The following ALK variants were observed in gnomAD, a reference collection of about 807,000 sequenced individuals.
ALK encodes ALK receptor tyrosine kinase, also known as ALK tyrosine kinase receptor.
A neutral mutation model predicts 163.1 loss-of-function variants in ALK; 74 were observed. The observed-to-expected ratio is 0.45, with a 90% CI of 0.38 to 0.55. The LOEUF (loss-of-function observed/expected upper bound fraction) is 0.55. ALK is among the 20% of genes least tolerant of loss of function. ALK has a pLI of 0.00. For missense variants in ALK, 2,063 were observed against 2,105.3 expected, an observed-to-expected ratio of 0.98 and a Z score of 0.39; for synonymous variants, 960 against 843.2, an observed-to-expected ratio of 1.14 and a Z score of -2.40.
chr2:29,613,455 A>C (rs1403891472), intron 3 of ALK, among the ~76,000 whole-genome samples: 1 of 152,196 alleles, frequency 6.6e-6, no homozygotes, highest in Non-Finnish European at 1.5e-5. Context: ...CTTCCTTCCA[A>C]GGCATAAGCC....
At chr2:29,787,539 G>A (rs542528466) in intron 1 of ALK, among the ~76,000 whole-genome samples, 1 of 152,308 alleles carries the variant, frequency 6.6e-6, no homozygotes, top group East Asian at 1.9e-4. Context: ...AATATGACAA[G>A]CGGTCCATGG....
At chr2:29,713,140 C>T (rs899767020) in intron 2 of ALK, among the ~76,000 whole-genome samples, 2 of 152,232 alleles carry the variant, frequency 1.3e-5, no homozygotes, top group Admixed American at 6.5e-5. Flanking sequence ...AGACACATCA[C>T]TCTAATTTCT....
At chr2:29,761,140 GC>G (rs1390894413) in intron 1 of ALK, among the ~76,000 whole-genome samples, 2 of 152,172 alleles carry the variant, frequency 1.3e-5, no homozygotes, top group Non-Finnish European at 2.9e-5. Flanking sequence ...GGCCTTAGTA[GC>G]CCCCTACTCA....
chr2:29,745,234 C>A (rs930487796), intron 1 of ALK, among the ~76,000 whole-genome samples: 2 of 152,284 alleles, frequency 1.3e-5, no homozygotes, highest in Middle Eastern at 3.4e-3. Flanking sequence ...ACTCAGAGAT[C>A]ATCTAATTTG....
At chr2:29,381,951 T>C (rs892841050) in intron 5 of ALK, among the ~76,000 whole-genome samples, 1 of 152,248 alleles carries the variant, frequency 6.6e-6, no homozygotes, top group Non-Finnish European at 1.5e-5. Context: ...TGTTCTTCAC[T>C]ATTCTCTGCC....
intron 4 of ALK, among the ~76,000 whole-genome samples, chr2:29,490,783 T>C (rs1671882464): frequency 6.6e-6 from 1 of 152,244 alleles, no homozygotes; most frequent in Admixed American, 6.5e-5. Context: ...CAATAATGTA[T>C]GTGTTTGTTT....
chr2:29,308,039 GTT>G (rs1185886897), intron 8 of ALK, among the ~76,000 whole-genome samples: 1 of 144,226 alleles, frequency 6.9e-6, no homozygotes, highest in African/African-American at 2.5e-5. Context: ...AAAGTTACAA[GTT>G]TTTTTTTTTT....
At chr2:29,450,934 C>A (rs2148091974) in intron 4 of ALK, among the ~76,000 whole-genome samples, 1 of 152,240 alleles carries the variant, frequency 6.6e-6, no homozygotes, top group Non-Finnish European at 1.5e-5. Flanking sequence ...GGGGGCGGGG[C>A]TCAGGACTCC....
chr2:29,479,943 C>A (rs1210401795), intron 4 of ALK, among the ~76,000 whole-genome samples: 1 of 152,208 alleles, frequency 6.6e-6, no homozygotes, highest in African/African-American at 2.4e-5. Flanking sequence ...ACACATAACT[C>A]AAAGTTGTTT....
Position 29,313,455 on chromosome 2 carries a change from C to A in ALK, c.1647+4849G>T, listed in dbSNP as rs1666746715. On this transcript the variant is annotated intron_variant, in intron 8 of 28. Coordinates refer to ENST00000389048, the MANE Select transcript of ALK (RefSeq NM_004304.5). The stretch of plus-strand genomic sequence containing the variant: ...GCCTGTGGAGAGACGAAGGGGAGAA[C>A]TCTTTGTTTACACAATGGGGTGGGA... 4.6e-5 allele frequency among the ~76,000 whole-genome samples: 7 copies of A among 152,238 alleles called. No homozygotes were observed. The South Asian group carries it at 1.5e-3, about 32-fold the overall frequency.
chr2:29,214,754 GGC>G (rs950844840), intron 23 of ALK, among the ~76,000 whole-genome samples: 1 of 152,194 alleles, frequency 6.6e-6, no homozygotes, highest in African/African-American at 2.4e-5. Context: ...CTTTCCAGAA[GGC>G]GACATCCCAT....
intron 9 of ALK, among the ~76,000 whole-genome samples, chr2:29,277,273 G>T (rs766732451): frequency 2.6e-5 from 4 of 152,236 alleles, no homozygotes; most frequent in Admixed American, 6.5e-5. Context: ...CTACAGCAGG[G>T]GTTGGAAGCT....
chr2:29,635,217 T>C (rs1353100036), intron 3 of ALK, among the ~76,000 whole-genome samples: 1 of 152,188 alleles, frequency 6.6e-6, no homozygotes, highest in Non-Finnish European at 1.5e-5. Context: ...AAAATAGATA[T>C]ATAGGTTTGT....
intron 1 of ALK, among the ~76,000 whole-genome samples, chr2:29,876,029 A>C (rs981605575): frequency 6.6e-6 from 1 of 151,578 alleles, no homozygotes; most frequent in Admixed American, 6.6e-5. Context: ...CTTCATCCTC[A>C]CTCTGGACTA....
intron 1 of ALK, among the ~76,000 whole-genome samples, chr2:29,745,725 C>A (rs1220825500): frequency 6.6e-6 from 1 of 152,222 alleles, no homozygotes. Context: ...GGTTTGCCTC[C>A]TTCCTGGCAT....
At chr2:29,248,527 G>T (rs1487320914) in intron 12 of ALK, among the ~76,000 whole-genome samples, 1 of 152,128 alleles carries the variant, frequency 6.6e-6, no homozygotes, top group Non-Finnish European at 1.5e-5. Context: ...ATTTTGATAT[G>T]GTCCTATCTT....
chr2:29,570,943 T>G (rs1314673506), intron 3 of ALK, among the ~76,000 whole-genome samples: 1 of 152,014 alleles, frequency 6.6e-6, no homozygotes, highest in Non-Finnish European at 1.5e-5. Context: ...TAACAAATAA[T>G]AAAATCTGTT....
intron 3 of ALK, among the ~76,000 whole-genome samples, chr2:29,672,490 T>C (rs1306913400): frequency 2.0e-5 from 3 of 150,394 alleles, no homozygotes; most frequent in Non-Finnish European, 4.4e-5. Context: ...TCCATGTCCC[T>C]ACAAAGGACA....
intron 4 of ALK, among the ~76,000 whole-genome samples, chr2:29,468,086 T>G (rs1479182819): frequency 6.6e-6 from 1 of 151,990 alleles, no homozygotes; most frequent in Non-Finnish European, 1.5e-5. Flanking sequence ...GCTGGAGTAG[T>G]GGCACGATCT....
Sources: allele counts gnomAD v4.1 joint callset (sites outside exome capture counted in the v4.1 genomes callset), GRCh38; gene constraint gnomAD v4.1.1; transcripts MANE v1.5; gene names NCBI Gene and HGNC (gene_info 2026-07-23, HGNC 2026-07-21).